DOCK1: variants seen among roughly 807,000 people sequenced by gnomAD.
DOCK1 encodes the protein dedicator of cytokinesis protein 1.
In DOCK1, 138 loss-of-function variants were observed where a neutral mutation model predicts 262.7. That is an observed-to-expected ratio of 0.53 (90% CI 0.46 to 0.61). DOCK1 has a LOEUF of 0.61. Ranked by LOEUF, DOCK1 falls within the 20% of genes least tolerant of loss-of-function variation. DOCK1 has a pLI of 0.00. For missense variants in DOCK1, 1,908 were observed against 2,370.7 expected (o/e 0.80, Z 4.05); for synonymous variants, 866 against 867.4 (o/e 1.00, Z 0.03).
intron 43 of DOCK1, among the ~76,000 whole-genome samples, chr10:127,413,805 CGGA>C (rs1565072964): frequency 6.6e-6 from 1 of 152,170 alleles, no homozygotes; most frequent in Admixed American, 6.5e-5. Context: ...GTGTGGGACA[CGGA>C]GGCCTTGCCT....
chr10:127,360,021 A>AG (rs146163718), intron 32 of DOCK1, among the ~76,000 whole-genome samples: 4,648 of 152,292 alleles, frequency 0.031, 169 homozygotes, highest in East Asian at 0.1. Flanking sequence ...AATGAAAACA[A>AG]AATCAAGATT....
At chr10:127,294,473 C>T (rs1405446645) in intron 29 of DOCK1, among the ~76,000 whole-genome samples, 2 of 151,872 alleles carry the variant, frequency 1.3e-5, no homozygotes, top group African/African-American at 4.8e-5. Flanking sequence ...AGGCACTCGT[C>T]ACCACGCCAG....
chr10:127,020,757 G>A (rs1296744509), intron 13 of DOCK1, among the ~76,000 whole-genome samples: 1 of 152,140 alleles, frequency 6.6e-6, no homozygotes, highest in Admixed American at 6.5e-5. Flanking sequence ...TGGCCGCGCT[G>A]TGGGCACCAG....
At position 127,176,514 on chromosome 10, in the gene DOCK1, G is replaced by T; in HGVS notation, c.2847+48750G>T. 1 of 868,130 alleles carries T rather than the reference G, an allele frequency of 1.2e-6. No homozygotes were observed. The highest frequency in any genetic ancestry group is 1.8e-6 in the Non-Finnish European group (1 of 570,076). 53.8% of individuals were successfully genotyped at this position (868,130 alleles called of 1,614,324 possible). A position where few individuals can be genotyped will look rare whatever the true frequency, so the allele number is the denominator to read the frequency against. On this transcript the variant is annotated intron_variant, in intron 27 of 51. Coordinates refer to ENST00000623213, the MANE Select transcript of DOCK1 (RefSeq NM_001290223.2). This position sits in a 1 kb window ranked among gnomAD's most constrained non-coding sequence, Gnocchi z 4.4. Reference sequence around the variant, plus strand: ...CTGCCTGTTTCCTAATTATATTTAAGCAGGTGAGGTCGGCCTTTATGTTAA... The same window carrying T: ...CTGCCTGTTTCCTAATTATATTTAATCAGGTGAGGTCGGCCTTTATGTTAA...
chr10:127,362,539 T>G (rs73386508), intron 33 of DOCK1, among the ~76,000 whole-genome samples: 1 of 152,062 alleles, frequency 6.6e-6, no homozygotes, highest in African/African-American at 2.4e-5. Flanking sequence ...AATCAAATGT[T>G]ATGTGTTACA....
intron 27 of DOCK1, among the ~76,000 whole-genome samples, chr10:127,142,494 T>C (rs1291987209): frequency 6.6e-6 from 1 of 152,170 alleles, no homozygotes; most frequent in Non-Finnish European, 1.5e-5. Context: ...GAAAAAGTCC[T>C]GATTCTTGAG....
At chr10:127,034,859 C>T (rs1017054119) in intron 18 of DOCK1, among the ~76,000 whole-genome samples, 4 of 129,374 alleles carry the variant, frequency 3.1e-5, no homozygotes, top group Non-Finnish European at 7.2e-5. Context: ...CCTTATGACC[C>T]TGGAGAAAGG....
chr10:127,230,772 T>G, intron 27 of DOCK1, among the ~76,000 whole-genome samples: 1 of 144,008 alleles, frequency 6.9e-6, no homozygotes, highest in African/African-American at 2.4e-5. Context: ...TTTTGTTTTT[T>G]GTTTTTTTGT....
rs569552881 is a variant in DOCK1 at position 126,984,929 on chromosome 10, G to A, written c.228-2592G>A. On this transcript the variant is annotated intron_variant, in intron 4 of 51. Coordinates refer to ENST00000623213, the MANE Select transcript of DOCK1 (RefSeq NM_001290223.2). ...TATTCCTTCTGTCTAACAGAAACTC[G>A]GTGTCCCTTTGACCCATCATCTCCC... 3.3e-5 allele frequency among the ~76,000 whole-genome samples: 5 copies of A among 150,210 alleles called. No homozygotes were observed. In the East Asian group the frequency reaches 7.9e-4, roughly 24 times the overall value.
chr10:127,332,275 T>C (rs2766065), intron 29 of DOCK1, among the ~76,000 whole-genome samples: 105,119 of 152,138 alleles, frequency 0.69, 37,737 homozygotes, highest in African/African-American at 0.89. Flanking sequence ...CAAGCCTGTG[T>C]CCAGCAGGGC....
intron 29 of DOCK1, among the ~76,000 whole-genome samples, chr10:127,263,161 A>G (rs1312341066): frequency 6.6e-6 from 1 of 152,220 alleles, no homozygotes; most frequent in South Asian, 2.1e-4. Context: ...AATTCATTAC[A>G]TTGCTACTTA....
At chr10:126,975,819 T>A (rs950282586) in intron 2 of DOCK1, among the ~76,000 whole-genome samples, 1 of 151,620 alleles carries the variant, frequency 6.6e-6, no homozygotes, top group East Asian at 1.9e-4. Flanking sequence ...GGTTTTGCCA[T>A]GTTGGCCAGG....
chr10:127,384,925 C>G lies in DOCK1; in HGVS notation c.3927+16C>G. ...CAAAGGCAAGGTAAAACACAAAAAG[C>G]AATTGTCCTTGTTTTCCTCTTTCCA... On this transcript the variant is annotated intron_variant, in intron 38 of 51. Transcript: ENST00000623213. 1 of 1,572,436 alleles carries G rather than the reference C, an allele frequency of 6.4e-7. No individual in the cohort carries two copies. Among genetic ancestry groups the G allele is most frequent in the Non-Finnish European group, 8.6e-7 (1 of 1,163,276 alleles).
intron 38 of DOCK1, among the ~76,000 whole-genome samples, chr10:127,395,404 A>G (rs1359054084): frequency 6.6e-6 from 1 of 152,128 alleles, no homozygotes; most frequent in Non-Finnish European, 1.5e-5. Flanking sequence ...TGAGGGCTCC[A>G]CCGTCATGAC....
chr10:127,038,007 G>A (rs190790818), intron 19 of DOCK1, among the ~76,000 whole-genome samples, 191 bp downstream of exon 19: 89 of 152,164 alleles, frequency 5.8e-4, no homozygotes, highest in African/African-American at 2.0e-3. Context: ...GCCGAGGTGG[G>A]TGGATCACCT....
intron 23 of DOCK1, among the ~76,000 whole-genome samples, chr10:127,091,415 A>G (rs1205154449): frequency 1.3e-5 from 2 of 152,162 alleles, no homozygotes; most frequent in African/African-American, 4.8e-5. Context: ...GCATTACTTC[A>G]GTGAGTTGTG....
In DOCK1 at chr10:126,927,540, G is replaced by A. The variant is rs1458816518; in HGVS notation, c.46+21977G>A. ...CAACCTCCGCCTCCCGGGTTCAAGC[G>A]ATTCTCCTGCCTCAGCCTCCCGAGT... On this transcript the variant is annotated intron_variant, in intron 1 of 51. Coordinates refer to ENST00000623213, the MANE Select transcript of DOCK1 (RefSeq NM_001290223.2). Among the ~76,000 whole-genome samples the A allele has an allele frequency of 2.0e-5, 3 of 152,026 alleles. 1 individual carries two copies. Among genetic ancestry groups the A allele is most frequent in the South Asian group, 4.1e-4 (2 of 4,830 alleles).
intron 29 of DOCK1, among the ~76,000 whole-genome samples, chr10:127,337,698 C>G (rs943447054): frequency 2.0e-5 from 3 of 152,188 alleles, no homozygotes; most frequent in Non-Finnish European, 4.4e-5. Flanking sequence ...TTAATGTCCC[C>G]GGGGAAGAAG....
At chr10:127,450,159 T>G (rs545610922) in intron 51 of DOCK1, among the ~76,000 whole-genome samples, 138 of 152,354 alleles carry the variant, frequency 9.1e-4, no homozygotes, top group Non-Finnish European at 1.2e-3. Flanking sequence ...ATAGGACATC[T>G]TTATATCAGC....
Sources: allele counts gnomAD v4.1 joint callset (sites outside exome capture counted in the v4.1 genomes callset), GRCh38; gene constraint gnomAD v4.1.1; non-coding constraint Gnocchi (gnomAD v3.1); transcripts MANE v1.5; gene names NCBI Gene and HGNC (gene_info 2026-07-23, HGNC 2026-07-21).